The following MYO16 variants were observed in gnomAD, a reference collection of about 807,000 sequenced individuals.
MYO16 encodes the protein myosin XVI.
In MYO16, 94 loss-of-function variants were observed where a neutral mutation model predicts 205.3. The ratio of observed to expected loss-of-function variants is 0.46; its 90% CI spans 0.39 to 0.54. The LOEUF is 0.54. Among genes scored for constraint, MYO16 ranks in the 20% least tolerant of loss-of-function variants. The pLI, the probability that MYO16 is intolerant of heterozygous loss-of-function variation, is 0.00. For synonymous variants in MYO16, 988 were observed against 954.0 expected (o/e 1.04, Z -0.66); for missense variants, 2,315 against 2,387.5 (o/e 0.97, Z 0.63).
intron 16 of MYO16, among the ~76,000 whole-genome samples, chr13:108,954,758 T>TAAA (rs1238262093): frequency 1.3e-5 from 2 of 152,088 alleles, no homozygotes; most frequent in African/African-American, 4.8e-5. Flanking sequence ...ATAATAATAA[T>TAAA]AAACATTTAT....
chr13:109,196,589 TA>T (rs781254482), intron 34 of MYO16, among the ~76,000 whole-genome samples: 5 of 152,182 alleles, frequency 3.3e-5, no homozygotes, highest in African/African-American at 7.2e-5. Flanking sequence ...AGAAAGAACA[TA>T]GGGGTGTTAG....
intron 24 of MYO16, chr13:109,049,077 T>TGA (rs1156498572): frequency 2.4e-5 from 2 of 82,804 alleles, no homozygotes; most frequent in African/African-American, 8.9e-5. Flanking sequence ...TAATAATTAT[T>TGA]GAGTCTTTTT....
chr13:108,519,465 G>A, the MYO16 span, among the ~76,000 whole-genome samples: 25 of 151,290 alleles, frequency 1.7e-4, no homozygotes, highest in Middle Eastern at 3.4e-3. Flanking sequence ...TCTAATCTGC[G>A]GATTTGACTG....
chr13:108,788,961 T>G (rs1886537574), intron 5 of MYO16, among the ~76,000 whole-genome samples: 1 of 152,212 alleles, frequency 6.6e-6, no homozygotes, highest in Non-Finnish European at 1.5e-5. Context: ...GCTTTGTCTT[T>G]GAGAATCTTC....
chr13:108,815,381 G>A (rs1459460808), intron 7 of MYO16, among the ~76,000 whole-genome samples: 1 of 152,190 alleles, frequency 6.6e-6, no homozygotes, highest in Non-Finnish European at 1.5e-5. Context: ...GATGGGCCCA[G>A]TGTAATCACA....
intron 27 of MYO16, among the ~76,000 whole-genome samples, chr13:109,057,699 A>C (rs1887458275): frequency 6.6e-6 from 1 of 152,084 alleles, no homozygotes. Context: ...CCACCTTCTT[A>C]AGTGTAGATG....
At chr13:108,640,179 G>A (rs1335404487) in intron 1 of MYO16, among the ~76,000 whole-genome samples, 1 of 152,184 alleles carries the variant, frequency 6.6e-6, no homozygotes, top group Non-Finnish European at 1.5e-5. Context: ...GGCAGATAAA[G>A]GATGAGTGGT....
chr13:108,996,771 A>G (rs1202783370), intron 21 of MYO16, among the ~76,000 whole-genome samples: 4 of 152,234 alleles, frequency 2.6e-5, no homozygotes, highest in Admixed American at 6.5e-5. Context: ...TTAATCAATG[A>G]GAAAAATTTA....
chr13:108,716,496 G>GTCTCCT (rs765988078), intron 3 of MYO16, among the ~76,000 whole-genome samples: 15 of 152,224 alleles, frequency 9.9e-5, no homozygotes, highest in South Asian at 2.1e-4. Context: ...CAGTGCTAAA[G>GTCTCCT]TCTCCTTTTC....
At chr13:108,909,982 C>T (rs1566405951) in intron 15 of MYO16, 21 bp from the exon 16 acceptor site, 1 of 1,604,226 alleles carries the variant, frequency 6.2e-7, no homozygotes, top group South Asian at 1.1e-5. Flanking sequence ...TTAACAGAAT[C>T]ACTTTTCTTT....
chr13:108,957,396 AAAAAAC>A (rs1883405195), intron 16 of MYO16, among the ~76,000 whole-genome samples: 1 of 151,064 alleles, frequency 6.6e-6, no homozygotes, highest in African/African-American at 2.4e-5. Context: ...AAAAAAAAAA[AAAAAAC>A]AAAAACATGA....
chr13:108,849,318 G>A lies in MYO16; in HGVS notation c.1248+4825G>A, dbSNP rs1877700334. On this transcript the variant is annotated intron_variant, in intron 10 of 34. Coordinates refer to ENST00000457511, the MANE Select transcript of MYO16 (RefSeq NM_001198950.3). ...CGATTCTCCTGCCTGAGCCTTCCAA[G>A]TAGCTGGGATTATAGGTGCCTGCCA... is the stretch of plus-strand genomic sequence containing the variant. 2.0e-5 allele frequency among the ~76,000 whole-genome samples: 3 copies of A among 152,064 alleles called. 1 individual carries two copies. The highest frequency in any genetic ancestry group is 2.0e-4 in the Admixed American group (3 of 15,258).
intron 2 of MYO16, among the ~76,000 whole-genome samples, chr13:108,695,497 G>T (rs1883057418): frequency 6.6e-6 from 1 of 151,596 alleles, no homozygotes; most frequent in Non-Finnish European, 1.5e-5. Context: ...GATTGTTTTG[G>T]TTATTCAGCT....
chr13:108,501,175 C>A, the MYO16 span, among the ~76,000 whole-genome samples: 4 of 152,168 alleles, frequency 2.6e-5, no homozygotes, highest in African/African-American at 7.2e-5. Context: ...GCCGGACTTT[C>A]CCTGGCACTG....
At chr13:108,978,068 T>G (rs972020521) in intron 20 of MYO16, among the ~76,000 whole-genome samples, 3 of 152,142 alleles carry the variant, frequency 2.0e-5, no homozygotes, top group East Asian at 1.9e-4. Flanking sequence ...AATCTTTTTT[T>G]TGTGTGGCTA....
intron 34 of MYO16, among the ~76,000 whole-genome samples, chr13:109,192,470 A>G (rs574598962): frequency 1.3e-5 from 2 of 152,182 alleles, no homozygotes; most frequent in South Asian, 4.1e-4. Flanking sequence ...GGGCACTGTA[A>G]TTGAGCCCAG....
At chr13:108,610,072 G>C (rs534330392) in intron 1 of MYO16, among the ~76,000 whole-genome samples, 3 of 152,198 alleles carry the variant, frequency 2.0e-5, no homozygotes, top group South Asian at 4.2e-4. Context: ...GACTGACTGA[G>C]TGTTACACCT....
the MYO16 span, among the ~76,000 whole-genome samples, chr13:108,538,304 A>G: frequency 6.6e-6 from 1 of 152,164 alleles, no homozygotes; most frequent in Non-Finnish European, 1.5e-5. Flanking sequence ...AGATAGGAGA[A>G]GTAATCAGAG....
chr13:108,643,050 TA>T (rs201661356), intron 1 of MYO16, among the ~76,000 whole-genome samples: 27 of 151,564 alleles, frequency 1.8e-4, no homozygotes, highest in East Asian at 3.9e-4. Flanking sequence ...GGTGTATAGT[TA>T]AAAAAAAATT....
Sources: gnomAD v4.1 joint callset for allele counts (sites outside exome capture counted in the v4.1 genomes callset) on GRCh38, gnomAD v4.1.1 for gene constraint, MANE v1.5 for transcripts, NCBI Gene and HGNC (gene_info 2026-07-23, HGNC 2026-07-21) for gene names.